The following MED15 variants were observed in gnomAD, a reference collection of about 807,000 sequenced individuals.
The protein encoded by MED15 is mediator complex subunit 15.
MED15 carries 41 observed loss-of-function variants against 118.7 expected under a neutral mutation model. That is an observed-to-expected ratio of 0.35 (90% confidence interval 0.27 to 0.45). MED15 has a LOEUF of 0.45. MED15 is among the 20% of genes least tolerant of loss of function. The pLI is 1.00. For missense variants in MED15, 740 were observed against 1,025.5 expected (o/e 0.72, Z 3.80); for synonymous variants, 436 against 413.9 (o/e 1.05, Z -0.65).
chr22:20,531,587 G>A (rs1487587411), intron 1 of MED15, among the ~76,000 whole-genome samples: 1 of 152,214 alleles, frequency 6.6e-6, no homozygotes, highest in Non-Finnish European at 1.5e-5. Flanking sequence ...CTGCCAGGAC[G>A]TGCCTGTTTG....
rs752521027 is a variant in MED15 at position 20,507,629 on chromosome 22, C to CGGCGGT, written c.-44_-39dup. ...GGGCCTGGCTCTGTGACTGAGGCGG[C>CGGCGGT]GGCGGTGGCGGCCAAGCGGGATACG... On this transcript the variant is annotated 5_prime_UTR_variant, in exon 1 of 18. Coordinates refer to ENST00000263205, the MANE Select transcript of MED15 (RefSeq NM_001003891.3). The CGGCGGT allele has an allele frequency of 2.7e-5, 43 of 1,609,978 alleles. No homozygotes were observed. The South Asian group carries it at 4.3e-4, about 16-fold the overall frequency.
At chr22:20,525,466 C>T (rs183960386) in intron 1 of MED15, among the ~76,000 whole-genome samples, 7 of 151,580 alleles carry the variant, frequency 4.6e-5, no homozygotes, top group African/African-American at 1.5e-4. Context: ...CCACCCACCT[C>T]GGTCTCCCAA....
At chr22:20,544,746 G>A (rs780499835) in intron 2 of MED15, among the ~76,000 whole-genome samples, 3 of 152,146 alleles carry the variant, frequency 2.0e-5, no homozygotes, top group Non-Finnish European at 2.9e-5. Flanking sequence ...GGTAAAAATC[G>A]CAGTGGCAGC....
chr22:20,526,916 C>G (rs1308264778), intron 1 of MED15, among the ~76,000 whole-genome samples: 1 of 152,226 alleles, frequency 6.6e-6, no homozygotes, highest in Non-Finnish European at 1.5e-5. Flanking sequence ...TTTATTCCCT[C>G]ATTCTGCCAG....
intron 1 of MED15, among the ~76,000 whole-genome samples, chr22:20,535,554 GCTTT>G (rs1479022620): frequency 4.0e-5 from 6 of 151,438 alleles, no homozygotes; most frequent in African/African-American, 9.7e-5. Context: ...TTTTTCTTTT[GCTTT>G]CTTTCTTTTT....
Position 20,586,817 on chromosome 22 carries a change from T to C in MED15, c.*113T>C. On this transcript the variant is annotated 3_prime_UTR_variant, in exon 18 of 18. Transcript: ENST00000263205. ...GAGCCTGGGGTTAGGTTAGCTTTCC[T>C]GCTTTTATCTTCTGCCTTGGGGACC... is the stretch of plus-strand genomic sequence containing the variant. The C allele has an allele frequency of 7.0e-7, 1 of 1,433,728 alleles. No individual in the cohort carries two copies. The highest frequency in any genetic ancestry group is 9.4e-7 in the Non-Finnish European group (1 of 1,067,372). 88.8% of individuals were successfully genotyped at this position (1,433,728 alleles called of 1,614,324 possible).
chr22:20,525,781 C>T (rs966880142), intron 1 of MED15, among the ~76,000 whole-genome samples: 4 of 151,994 alleles, frequency 2.6e-5, no homozygotes, highest in Non-Finnish European at 4.4e-5. Flanking sequence ...GGTGATCCAC[C>T]TATCTCAGCC....
intron 3 of MED15, among the ~76,000 whole-genome samples, chr22:20,552,202 T>C (rs2055805580): frequency 6.6e-6 from 1 of 152,238 alleles, no homozygotes; most frequent in African/African-American, 2.4e-5. Context: ...TCCTGCCCAC[T>C]GCCGCTGCAT....
intron 2 of MED15, among the ~76,000 whole-genome samples, chr22:20,545,995 G>A (rs1230654345): frequency 1.3e-5 from 2 of 152,174 alleles, no homozygotes; most frequent in Non-Finnish European, 2.9e-5. Flanking sequence ...TCTCTGCTGA[G>A]CATCTCCACA....
intron 2 of MED15, among the ~76,000 whole-genome samples, chr22:20,538,785 C>G (rs1037362241): frequency 3.6e-4 from 55 of 152,144 alleles, no homozygotes; most frequent in African/African-American, 1.2e-3. Context: ...CTGCAACCTC[C>G]GCCTACCAGG....
At chr22:20,522,936 C>A (rs1045350490) in intron 1 of MED15, 1 of 152,228 alleles carries the variant, frequency 6.6e-6, no homozygotes, top group African/African-American at 2.4e-5. Context: ...TCACAGCAGC[C>A]CCGGTCCCGT....
At chr22:20,525,409 C>T (rs1332154672) in intron 1 of MED15, among the ~76,000 whole-genome samples, 2 of 151,560 alleles carry the variant, frequency 1.3e-5, no homozygotes, top group African/African-American at 2.4e-5. Context: ...GATGGGGTTT[C>T]GCCATGTTGG....
Position 20,587,568 on chromosome 22 carries a change from A to G in MED15, c.*864A>G, listed in dbSNP as rs2057171723. On this transcript the variant is annotated 3_prime_UTR_variant, in exon 18 of 18. Coordinates refer to ENST00000263205, the MANE Select transcript of MED15 (RefSeq NM_001003891.3). ...TGGTGAGAAGAGGTCCCCCCTTTTT[A>G]TGTGCACTACCCCACCATCTGTGAT... 4 of 394,402 alleles carry G rather than the reference A, an allele frequency of 1.0e-5. No individual in the cohort carries two copies. Among genetic ancestry groups the G allele is most frequent in the Admixed American group, 8.0e-5 (2 of 24,896 alleles). The allele number at this position is 394,402 out of a possible 1,614,324, so 24.4% of individuals were successfully genotyped here. A position where few individuals can be genotyped will look rare whatever the true frequency, so the allele number is the denominator to read the frequency against.
At chr22:20,527,850 G>A (rs1413013053) in intron 1 of MED15, among the ~76,000 whole-genome samples, 2 of 151,650 alleles carry the variant, frequency 1.3e-5, no homozygotes, top group East Asian at 2.0e-4. Flanking sequence ...CCAGCTACTC[G>A]GGAGGCTGAG....
In MED15 at chr22:20,586,894, G is replaced by C. The variant is rs1474096096; in HGVS notation, c.*190G>C. The C allele has an allele frequency of 4.5e-6, 4 of 890,316 alleles. No homozygotes were observed. Among genetic ancestry groups the C allele is most frequent in the Non-Finnish European group, 6.5e-6 (4 of 611,004 alleles). 55.2% of individuals were successfully genotyped at this position (890,316 alleles called of 1,614,324 possible). On this transcript the variant is annotated 3_prime_UTR_variant, in exon 18 of 18. Coordinates refer to ENST00000263205, the MANE Select transcript of MED15 (RefSeq NM_001003891.3). ...AGAACTGGGATAGGCGCAGTGGAGC[G>C]GGTTGCTTGGGGGGCGTTGGCCGAC...
At chr22:20,559,989 CAG>C (rs2056170581) in intron 5 of MED15, among the ~76,000 whole-genome samples, 3 of 152,198 alleles carry the variant, frequency 2.0e-5, no homozygotes, top group South Asian at 4.1e-4. Flanking sequence ...CATTCCACCA[CAG>C]GGGATATTTG....
chr22:20,534,797 G>A (rs553906872), intron 1 of MED15, among the ~76,000 whole-genome samples: 8 of 152,280 alleles, frequency 5.3e-5, no homozygotes, highest in East Asian at 1.9e-4. Context: ...ACCCAGTGCC[G>A]CGCGTGAGTT....
At chr22:20,541,051 A>T (rs913275133) in intron 2 of MED15, among the ~76,000 whole-genome samples, 2 of 152,048 alleles carry the variant, frequency 1.3e-5, no homozygotes, top group Non-Finnish European at 2.9e-5. Flanking sequence ...ACATGGTGAA[A>T]CCCTGTCTCT....
At chr22:20,508,435 C>G (rs1450769971) in intron 1 of MED15, 1 of 1,300,128 alleles carries the variant, frequency 7.7e-7, no homozygotes, top group Admixed American at 2.3e-5. Context: ...GACCACCAAA[C>G]AGGCTTTGTG....
Sources: gnomAD v4.1 joint callset for allele counts (sites outside exome capture counted in the v4.1 genomes callset) on GRCh38, gnomAD v4.1.1 for gene constraint, MANE v1.5 for transcripts, NCBI Gene and HGNC (gene_info 2026-07-23, HGNC 2026-07-21) for gene names.